The following NEDD4 variants were observed in gnomAD, a reference collection of about 807,000 sequenced individuals.
The protein encoded by NEDD4 is NEDD4 E3 ubiquitin protein ligase, also known as E3 ubiquitin-protein ligase NEDD4.
Under a neutral mutation model 144.9 loss-of-function variants are expected in NEDD4, and 99 were observed. That is an observed-to-expected ratio of 0.68 (90% CI 0.58 to 0.81). The LOEUF (loss-of-function observed/expected upper bound fraction) is 0.81. NEDD4 is among the 30% of genes least tolerant of loss of function. NEDD4 has a pLI of 0.00. For missense variants in NEDD4, 985 were observed against 1,065.9 expected, an observed-to-expected ratio of 0.92 and a Z score of 1.06; for synonymous variants, 318 against 350.6, an observed-to-expected ratio of 0.91 and a Z score of 1.04.
At chr15:55,920,772 G>C (rs572211460) in intron 5 of NEDD4, among the ~76,000 whole-genome samples, 4 of 152,290 alleles carry the variant, frequency 2.6e-5, no homozygotes, top group East Asian at 1.9e-4. Flanking sequence ...CAGGTCATTT[G>C]TTGCTATACA....
At chr15:55,940,879 T>A (rs1229477270) in intron 4 of NEDD4, among the ~76,000 whole-genome samples, 1 of 152,140 alleles carries the variant, frequency 6.6e-6, no homozygotes, top group African/African-American at 2.4e-5. Context: ...TATTTTTAAA[T>A]TATAAGCACC....
chr15:55,924,535 T>TA (rs2036627220), intron 5 of NEDD4, 111 bp downstream of exon 5: 17 of 911,286 alleles, frequency 1.9e-5, no homozygotes, highest in Non-Finnish European at 2.9e-5. Context: ...AGAGTCTCCA[T>TA]AACCACCCCC....
At position 55,840,038 on chromosome 15, in the gene NEDD4, AT is replaced by A. The variant is rs1566901321; in HGVS notation, c.2031+408del. On this transcript the variant is annotated intron_variant, in intron 21 of 28. Transcript: ENST00000435532. ...TATATATATATATATATATATATATATATAACATTCATCATAAAAGATCATA... is the reference window on the plus strand; with the variant it reads ...TATATATATATATATATATATATATAATAACATTCATCATAAAAGATCATA... Among the ~76,000 whole-genome samples the A allele has an allele frequency of 3.5e-3, 333 of 93,824 alleles. 6 individuals carry two copies. The highest frequency in any genetic ancestry group is 6.4e-3 in the Non-Finnish European group (284 of 44,416). The allele number at this position is 93,824 out of a possible 152,430, so 61.6% of individuals were successfully genotyped here. A position where few individuals can be genotyped will look rare whatever the true frequency, so the allele number is the denominator to read the frequency against.
chr15:55,917,071 A>C (rs1031304269), intron 5 of NEDD4: 1 of 1,247,956 alleles, frequency 8.0e-7, no homozygotes. Context: ...TTGTAGTCAA[A>C]ATGCCTTCAC....
chr15:55,853,285 T>C (rs2034065639), intron 12 of NEDD4, among the ~76,000 whole-genome samples: 2 of 152,106 alleles, frequency 1.3e-5, no homozygotes, highest in Admixed American at 6.5e-5. Context: ...ACAATAATAA[T>C]GAGAGTGATA....
In NEDD4 at chr15:55,860,748, G is replaced by A. The variant is rs1172426678; in HGVS notation, c.705C>T (p.Asn235=). Residue 235 remains asparagine (N), a synonymous_variant, in exon 10 of 29, where the codon AAC becomes AAT. Coordinates refer to ENST00000435532, the MANE Select transcript of NEDD4 (RefSeq NM_006154.4). ...ATGCACGTTGTGCTTGCAGTTGAATGTTGCCATTCTCAGCATCTGTTAGGT... is the reference window on the plus strand; with the variant it reads ...ATGCACGTTGTGCTTGCAGTTGAATATTGCCATTCTCAGCATCTGTTAGGT... ...QDNLTDAENG[N]IQLQAQRAFT... is the part of the protein sequence containing the mutation. 3.1e-6 allele frequency: 5 copies of A among 1,614,116 alleles called. No individual in the cohort carries two copies. The highest frequency in any genetic ancestry group is 4.2e-6 in the Non-Finnish European group (5 of 1,180,000).
At chr15:55,959,005 C>T (rs2037384672) in intron 2 of NEDD4, among the ~76,000 whole-genome samples, 1 of 109,454 alleles carries the variant, frequency 9.1e-6, no homozygotes, top group African/African-American at 3.2e-5. Context: ...CCATTGTCCA[C>T]TTTCTCTTTC....
At chr15:55,981,055 T>G (rs2037793640) in intron 1 of NEDD4, among the ~76,000 whole-genome samples, 1 of 151,484 alleles carries the variant, frequency 6.6e-6, no homozygotes, top group Non-Finnish European at 1.5e-5. Context: ...TTTTTTTTTT[T>G]GAGACGGAGT....
Position 55,927,763 on chromosome 15 carries a change from C to T in NEDD4, c.238-3064G>A, listed in dbSNP as rs150619746. On this transcript the variant is annotated intron_variant, in intron 4 of 28. Coordinates refer to ENST00000435532, the MANE Select transcript of NEDD4 (RefSeq NM_006154.4). The stretch of plus-strand genomic sequence containing the variant: ...CAAAATGAATTGGACTGGAGACAGA[C>T]CCTGGTGTCTACAGGAGCTGGAGCC... 2.7e-3 allele frequency among the ~76,000 whole-genome samples: 409 copies of T among 152,164 alleles called. 8 individuals carry two copies. Among genetic ancestry groups the T allele is most frequent in the East Asian group, 0.021 (109 of 5,156 alleles).
chr15:55,861,938 A>G (rs1336558519), intron 9 of NEDD4, among the ~76,000 whole-genome samples: 2 of 152,116 alleles, frequency 1.3e-5, no homozygotes, highest in Non-Finnish European at 2.9e-5. Context: ...CCCCCTAAAT[A>G]TATGATTTTG....
chr15:55,904,093 C>T (rs192994737), intron 5 of NEDD4, among the ~76,000 whole-genome samples: 63 of 151,842 alleles, frequency 4.1e-4, no homozygotes, highest in Admixed American at 2.8e-3. Flanking sequence ...ACTCTGGAGG[C>T]GGAGGTCACA....
At chr15:55,964,658 T>TGTGTGTGTGTGTGAATTTTGCTGCTG (rs1217982973) in intron 2 of NEDD4, among the ~76,000 whole-genome samples, 1 of 110,142 alleles carries the variant, frequency 9.1e-6, no homozygotes, top group East Asian at 4.2e-4. Context: ...CTGGTGTGTG[T>TGTGTGTGTGTGTGAATTTTGCTGCTG]GTGTGTGTGT....
Position 55,848,900 on chromosome 15 carries a change from G to T in NEDD4, c.1348-14C>A. 6.2e-7 allele frequency: 1 copy of T among 1,604,314 alleles called. No individual in the cohort carries two copies. Among genetic ancestry groups the T allele is most frequent in the Non-Finnish European group, 8.5e-7 (1 of 1,171,396 alleles). ...TCTTGGATCTTCCTTTTTTGGTAGA[G>T]TAAATAAAGAACAATACACACAAAT... is the stretch of plus-strand genomic sequence containing the variant. On this transcript the variant is annotated splice_polypyrimidine_tract_variant and intron_variant, in intron 14 of 28. Transcript: ENST00000435532.
rs540819902 is a variant in NEDD4, at chr15:55,899,292, T to C, written c.292-25284A>G. 1.1e-4 allele frequency among the ~76,000 whole-genome samples: 17 copies of C among 152,352 alleles called. No homozygotes were observed. The South Asian group carries it at 3.5e-3, about 32-fold the overall frequency. On this transcript the variant is annotated intron_variant, in intron 5 of 28. Coordinates refer to ENST00000435532, the MANE Select transcript of NEDD4 (RefSeq NM_006154.4). ...TTTTACTTTTTGAAATGAATAGCCT[T>C]TTATTAGTTTTTAAAAATGTATTTC...
intron 4 of NEDD4, among the ~76,000 whole-genome samples, chr15:55,929,860 T>A (rs1027914108): frequency 3.3e-5 from 5 of 152,054 alleles, no homozygotes; most frequent in African/African-American, 1.2e-4. Context: ...TTTAGGAATG[T>A]CTTGCATCCA....
chr15:55,976,408 C>A lies in NEDD4; in HGVS notation c.46-9862G>T, dbSNP rs538246534. On this transcript the variant is annotated intron_variant, in intron 1 of 28. Coordinates refer to ENST00000435532, the MANE Select transcript of NEDD4 (RefSeq NM_006154.4). ...TCCAATAATCTGATATTAAAATGGG[C>A]AAAAGATCTGAATAGATATTTCTCA... 5.3e-5 allele frequency among the ~76,000 whole-genome samples: 8 copies of A among 152,154 alleles called. No homozygotes were observed. In the East Asian group the frequency reaches 1.5e-3, roughly 29 times the overall value.
At chr15:55,991,460 T>C (rs1230326072) in intron 1 of NEDD4, among the ~76,000 whole-genome samples, 1 of 152,206 alleles carries the variant, frequency 6.6e-6, no homozygotes, top group East Asian at 1.9e-4. Context: ...TCCCTCTCTA[T>C]CCCTGGTGCC....
rs184164611 is a variant in NEDD4, at chr15:55,915,443, A to G, written c.291+9203T>C. ...GGCTGGATAGACAGGAAATATTTGG[A>G]TAAGCTCCTCCCAATGAAATACTTC... On this transcript the variant is annotated intron_variant, in intron 5 of 28. Coordinates refer to ENST00000435532, the MANE Select transcript of NEDD4 (RefSeq NM_006154.4). 1.2e-4 allele frequency: 190 copies of G among 1,613,862 alleles called. 1 individual carries two copies. The East Asian group carries it at 3.5e-3, about 30-fold the overall frequency.
rs543092903 is a variant in NEDD4 at position 55,912,370 on chromosome 15, A to G, written c.291+12276T>C. ...TTTGAAATAATTAAGACATAAGTTT[A>G]TTACAGTTCTACTATACTAGGCTTA... On this transcript the variant is annotated intron_variant, in intron 5 of 28. Coordinates refer to ENST00000435532, the MANE Select transcript of NEDD4 (RefSeq NM_006154.4). Among the ~76,000 whole-genome samples the G allele has an allele frequency of 4.6e-5, 7 of 152,294 alleles. No homozygotes were observed. The East Asian group carries it at 1.3e-3, about 29-fold the overall frequency.
Sources: allele counts gnomAD v4.1 joint callset (sites outside exome capture counted in the v4.1 genomes callset), GRCh38; gene constraint gnomAD v4.1.1; transcripts MANE v1.5; gene names NCBI Gene and HGNC (gene_info 2026-07-23, HGNC 2026-07-21).